The following SHROOM4 variants were observed in gnomAD, a reference collection of about 807,000 sequenced individuals.
SHROOM4 encodes the protein shroom family member 4.
In SHROOM4, 17 loss-of-function variants were observed where a neutral mutation model predicts 80.3. The ratio of observed to expected loss-of-function variants is 0.21; its 90% confidence interval spans 0.14 to 0.32. The LOEUF (loss-of-function observed/expected upper bound fraction) is 0.32. Ranked by LOEUF, SHROOM4 falls within the 10% of genes least tolerant of loss-of-function variation. The pLI, the probability that SHROOM4 is intolerant of heterozygous loss-of-function variation, is 1.00. For missense variants in SHROOM4, 993 were observed against 1,140.3 expected (o/e 0.87, Z 1.86); for synonymous variants, 400 against 437.5 (o/e 0.91, Z 1.07).
intron 1 of SHROOM4, among the ~76,000 whole-genome samples, chrX:50,813,226 G>T (rs1476240530): frequency 6.3e-5 from 7 of 110,964 alleles, no homozygotes; most frequent in Admixed American, 5.7e-4. Context: ...GCACAGCTGC[G>T]CTCCATGGCG....
intron 2 of SHROOM4, among the ~76,000 whole-genome samples, chrX:50,658,514 C>G (rs1932387776): frequency 8.9e-6 from 1 of 111,767 alleles, no homozygotes; most frequent in African/African-American, 3.3e-5. Flanking sequence ...ATGAATACAT[C>G]TTTTCAGAGT....
intron 2 of SHROOM4, among the ~76,000 whole-genome samples, chrX:50,639,975 A>G (rs1360402640): frequency 1.8e-5 from 2 of 111,554 alleles, no homozygotes; most frequent in African/African-American, 6.5e-5. Flanking sequence ...CTTTGTAATC[A>G]CATTGTTCTA....
chrX:50,578,453 G>C, the SHROOM4 span, among the ~76,000 whole-genome samples: 1 of 111,478 alleles, frequency 9.0e-6, no homozygotes, highest in Non-Finnish European at 1.9e-5. Context: ...ACTACGGTGC[G>C]TGCCACCACG....
chrX:50,705,342 T>C (rs1202591760), intron 1 of SHROOM4, among the ~76,000 whole-genome samples: 4 of 111,646 alleles, frequency 3.6e-5, no homozygotes, highest in African/African-American at 1.3e-4. Flanking sequence ...ATTATTTCCT[T>C]TTGCAATGAC....
At chrX:50,653,623 A>T (rs1932198633) in intron 2 of SHROOM4, among the ~76,000 whole-genome samples, 1 of 111,490 alleles carries the variant, frequency 9.0e-6, no homozygotes, top group Non-Finnish European at 1.9e-5. Context: ...GTGGTGAGAG[A>T]GGCCATCCTT....
At chrX:50,783,578 A>ATT (rs781820506) in intron 1 of SHROOM4, among the ~76,000 whole-genome samples, 1 of 102,828 alleles carries the variant, frequency 9.7e-6, no homozygotes. Context: ...GTCGATTCTA[A>ATT]TTTTTTTTTT....
chrX:50,673,468 G>A (rs1321072726), intron 2 of SHROOM4, among the ~76,000 whole-genome samples: 1 of 110,695 alleles, frequency 9.0e-6, no homozygotes, highest in Non-Finnish European at 1.9e-5. Flanking sequence ...GTAACCTACT[G>A]TAAGGCAGAG....
downstream of SHROOM4, among the ~76,000 whole-genome samples, chrX:50,582,029 G>A (rs1344250637): frequency 8.9e-6 from 1 of 111,771 alleles, no homozygotes; most frequent in Non-Finnish European, 1.9e-5. Context: ...CCCCTCCCCT[G>A]GAGTGTAAGT....
intron 1 of SHROOM4, among the ~76,000 whole-genome samples, chrX:50,775,398 G>T (rs1449775322): frequency 9.0e-6 from 1 of 111,473 alleles, no homozygotes; most frequent in African/African-American, 3.3e-5. Flanking sequence ...TTGGATCAAA[G>T]ATCATACTCA....
At chrX:50,804,767 C>T (rs1936192840) in intron 1 of SHROOM4, among the ~76,000 whole-genome samples, 1 of 111,995 alleles carries the variant, frequency 8.9e-6, no homozygotes, top group African/African-American at 3.2e-5. Context: ...CAGCGGTCCA[C>T]TACCTCTCCG....
At chrX:50,684,536 G>A (rs1160438722) in intron 2 of SHROOM4, among the ~76,000 whole-genome samples, 5 of 111,887 alleles carry the variant, frequency 4.5e-5, no homozygotes, top group African/African-American at 1.6e-4. Context: ...AAGTAACACA[G>A]GAACCAAAAG....
At chrX:50,754,051 T>G (rs1024117822) in intron 1 of SHROOM4, among the ~76,000 whole-genome samples, 1 of 112,167 alleles carries the variant, frequency 8.9e-6, no homozygotes, top group Non-Finnish European at 1.9e-5. Context: ...TAGTAAAAAC[T>G]CAACAATTGA....
rs1933848978 is a variant in SHROOM4, at chrX:50,712,662, G to T, written c.118-16725C>A. Among the ~76,000 whole-genome samples, 3 of 111,822 alleles carry T rather than the reference G, an allele frequency of 2.7e-5. 1 individual carries two copies. In the South Asian group the frequency reaches 1.1e-3, roughly 42 times the overall value. On this transcript the variant is annotated intron_variant, in intron 1 of 8. Coordinates refer to ENST00000376020, the MANE Select transcript of SHROOM4 (RefSeq NM_020717.5). The stretch of plus-strand genomic sequence containing the variant: ...CTGGAGTGTGGTCTAAGGTAGTTCT[G>T]CCTACATCCATTTGAACCCATGGTG...
chrX:50,724,458 G>GTTTC (rs375148878), intron 1 of SHROOM4, among the ~76,000 whole-genome samples: 6,123 of 111,797 alleles, frequency 0.055, 454 homozygotes, highest in African/African-American at 0.19. Context: ...TGTCCTTTCA[G>GTTTC]TTTCTTTCTT....
chrX:50,689,912 G>T (rs1312332782), intron 2 of SHROOM4, among the ~76,000 whole-genome samples: 1 of 111,653 alleles, frequency 9.0e-6, no homozygotes, highest in Non-Finnish European at 1.9e-5. Context: ...CTTTCTTAGA[G>T]CAGTCTGTCA....
At chrX:50,757,407 GA>G (rs1287657687) in intron 1 of SHROOM4, among the ~76,000 whole-genome samples, 2 of 111,792 alleles carry the variant, frequency 1.8e-5, no homozygotes, top group African/African-American at 6.5e-5. Context: ...CATAAATTTT[GA>G]AATTGGCCAC....
rs1268791920 is a variant in SHROOM4, at chrX:50,587,879, G to A, written c.*8816C>T. 8.9e-6 allele frequency among the ~76,000 whole-genome samples: 1 copy of A among 112,260 alleles called. No homozygotes were observed. The highest frequency in any genetic ancestry group is 3.2e-5 in the African/African-American group (1 of 30,922). On this transcript the variant is annotated 3_prime_UTR_variant, in exon 9 of 9. Coordinates refer to ENST00000376020, the MANE Select transcript of SHROOM4 (RefSeq NM_020717.5). Reference sequence around the variant, plus strand: ...CAGATCTGTTTTAAAGATTAAATGAGGATTTCTGCTTTAAAAATGTATGTT... The same window carrying A: ...CAGATCTGTTTTAAAGATTAAATGAAGATTTCTGCTTTAAAAATGTATGTT...
At chrX:50,675,618 A>G (rs1932844935) in intron 2 of SHROOM4, among the ~76,000 whole-genome samples, 1 of 111,287 alleles carries the variant, frequency 9.0e-6, no homozygotes, top group South Asian at 3.8e-4. Context: ...ACAACTGGAA[A>G]TATGAAGTTA....
intron 1 of SHROOM4, among the ~76,000 whole-genome samples, chrX:50,789,386 C>T (rs1416363172): frequency 9.0e-6 from 1 of 110,884 alleles, no homozygotes; most frequent in Admixed American, 9.6e-5. Context: ...TTAAACAATA[C>T]ACTCCTAAAT....
Sources: allele counts gnomAD v4.1 joint callset (sites outside exome capture counted in the v4.1 genomes callset), GRCh38; gene constraint gnomAD v4.1.1; transcripts MANE v1.5; gene names NCBI Gene and HGNC (gene_info 2026-07-23, HGNC 2026-07-21).